PBX1: variants seen among roughly 807,000 people sequenced by gnomAD.
The protein encoded by PBX1 is PBX homeobox 1.
Under a neutral mutation model 53.4 loss-of-function variants are expected in PBX1, and 6 were observed. The ratio of observed to expected loss-of-function variants is 0.11; its 90% CI spans 0.06 to 0.22. The LOEUF is 0.22. Among genes scored for constraint, PBX1 ranks in the 10% least tolerant of loss-of-function variants. PBX1 has a pLI of 1.00. For missense variants in PBX1, 251 were observed against 551.4 expected, an observed-to-expected ratio of 0.46 and a Z score of 5.46; for synonymous variants, 204 against 212.3, an observed-to-expected ratio of 0.96 and a Z score of 0.34.
At chr1:164,622,415 T>C (rs939540181) in intron 2 of PBX1, among the ~76,000 whole-genome samples, 2 of 152,200 alleles carry the variant, frequency 1.3e-5, no homozygotes, top group Non-Finnish European at 2.9e-5. Flanking sequence ...TGGATTGATC[T>C]TTTTCTATCG....
chr1:164,785,119 G>A (rs1668111347), intron 2 of PBX1, among the ~76,000 whole-genome samples: 1 of 152,102 alleles, frequency 6.6e-6, no homozygotes, highest in Admixed American at 6.6e-5. Context: ...CAGCATCCAG[G>A]GTCTCCACTT....
chr1:164,780,101 G>A (rs979526849), intron 2 of PBX1, among the ~76,000 whole-genome samples: 6 of 152,100 alleles, frequency 3.9e-5, no homozygotes, highest in Non-Finnish European at 8.8e-5. Flanking sequence ...AGGGGTGGGC[G>A]CCTCCGATGT....
intron 7 of PBX1, 99 bp from the exon 8 acceptor site, chr1:164,821,438 T>C: frequency 1.1e-6 from 1 of 886,472 alleles, no homozygotes; most frequent in Non-Finnish European, 1.9e-6. Context: ...ATTGCATTAA[T>C]ATGGCATGCC....
intron 4 of PBX1, among the ~76,000 whole-genome samples, chr1:164,800,354 C>T (rs1219791479): frequency 4.6e-5 from 7 of 152,170 alleles, no homozygotes; most frequent in Non-Finnish European, 8.8e-5. Context: ...ATTGCTGTCT[C>T]TGGGCTAATT....
In PBX1 at chr1:164,849,259, C is replaced by T; in HGVS notation, c.*2583C>T. The stretch of plus-strand genomic sequence containing the variant: ...CTACATTTGCACAGGCAGTTTCTCT[C>T]CGGGCCGTAGTTTTCACTGATGATC... On this transcript the variant is annotated 3_prime_UTR_variant, in exon 9 of 9. Transcript: ENST00000420696. 1 of 1,525,416 alleles carries T rather than the reference C, an allele frequency of 6.6e-7. No homozygotes were observed. The highest frequency in any genetic ancestry group is 1.7e-4 in the Middle Eastern group (1 of 5,916). 94.5% of individuals were successfully genotyped at this position (1,525,416 alleles called of 1,614,324 possible). A position where few individuals can be genotyped will look rare whatever the true frequency, so the allele number is the denominator to read the frequency against.
intron 8 of PBX1, among the ~76,000 whole-genome samples, chr1:164,825,825 TA>T (rs1670431441): frequency 6.6e-6 from 1 of 152,152 alleles, no homozygotes; most frequent in Admixed American, 6.5e-5. Flanking sequence ...AATCCCTGTT[TA>T]AAAAAAGTAT....
At chr1:164,784,901 A>C (rs533375992) in intron 2 of PBX1, among the ~76,000 whole-genome samples, 1 of 152,352 alleles carries the variant, frequency 6.6e-6, no homozygotes, top group African/African-American at 2.4e-5. Flanking sequence ...CAAGAAAAAC[A>C]GTTGGAATGG....
At chr1:164,593,043 T>TA (rs1557879382) in intron 2 of PBX1, among the ~76,000 whole-genome samples, 1 of 152,028 alleles carries the variant, frequency 6.6e-6, no homozygotes, top group African/African-American at 2.4e-5. Context: ...CTGCAACCTC[T>TA]GTCTCCTGGG....
intron 2 of PBX1, among the ~76,000 whole-genome samples, chr1:164,763,408 C>T (rs889723250): frequency 3.3e-5 from 5 of 152,188 alleles, no homozygotes; most frequent in African/African-American, 1.2e-4. Context: ...AAAAGACTTT[C>T]TAGCATAATA....
At position 164,714,672 on chromosome 1, in the gene PBX1, T is replaced by C. The variant is rs559862475; in HGVS notation, c.266-77822T>C. Among the ~76,000 whole-genome samples the C allele has an allele frequency of 5.3e-5, 8 of 152,320 alleles. No individual in the cohort carries two copies. In the South Asian group the frequency reaches 1.2e-3, roughly 24 times the overall value. ...TCTCAATAACAATTCATATTAAACGTCATTCCCTTTGTCAAGAGACTGAGT... is the reference window on the plus strand; with the variant it reads ...TCTCAATAACAATTCATATTAAACGCCATTCCCTTTGTCAAGAGACTGAGT... On this transcript the variant is annotated intron_variant, in intron 2 of 8. Coordinates refer to ENST00000420696, the MANE Select transcript of PBX1 (RefSeq NM_002585.4).
At chr1:164,644,371 T>C (rs946878152) in intron 2 of PBX1, among the ~76,000 whole-genome samples, 2 of 152,198 alleles carry the variant, frequency 1.3e-5, no homozygotes, top group African/African-American at 2.4e-5. Context: ...TTTATTATTA[T>C]GTATTAAACA....
intron 2 of PBX1, among the ~76,000 whole-genome samples, chr1:164,874,116 G>T (rs1472820967): frequency 6.6e-6 from 1 of 152,170 alleles, no homozygotes; most frequent in African/African-American, 2.4e-5. Context: ...AGCTGATAAG[G>T]AGGCTGCATC....
chr1:164,649,242 G>C (rs967291306), intron 2 of PBX1, among the ~76,000 whole-genome samples: 4 of 152,044 alleles, frequency 2.6e-5, no homozygotes, highest in African/African-American at 9.7e-5. Flanking sequence ...ATATTTTCTA[G>C]CTTAAAACAA....
intron 6 of PBX1, chr1:164,819,840 G>A: frequency 2.4e-6 from 1 of 422,820 alleles, no homozygotes; most frequent in Non-Finnish European, 4.2e-6. Context: ...AGGGGAAGCA[G>A]TTCTATTGAC....
At chr1:164,655,100 G>GTTTTTTTTTTTTTTTTTTTTTTTTTTTT (rs35954587) in intron 2 of PBX1, among the ~76,000 whole-genome samples, 1 of 138,822 alleles carries the variant, frequency 7.2e-6, no homozygotes. Flanking sequence ...TCTGATGTGT[G>GTTTTTTTTTTTTTTTTTTTTTTTTTTTT]TTTTTTTTTT....
At position 164,873,974 on chromosome 1, in the gene PBX1, G is replaced by C. The variant is rs114185219; in HGVS notation, n.258-25214G>C. Among the ~76,000 whole-genome samples, 1,160 of 144,922 alleles carry C rather than the reference G, an allele frequency of 8.0e-3. 15 individuals carry two copies. The highest frequency in any genetic ancestry group is 0.028 in the African/African-American group (1,105 of 39,362). The stretch of plus-strand genomic sequence containing the variant: ...GTTTTGTAGTAGTTTATTTTGTGGA[G>C]ATACATTTGACCCAAGATTACTGAG... On this transcript the variant is annotated intron_variant and non_coding_transcript_variant, in intron 2 of 2. Transcript: ENST00000558796.
chr1:164,641,428 A>G (rs892456739), intron 2 of PBX1: 1 of 153,142 alleles, frequency 6.5e-6, no homozygotes, highest in Non-Finnish European at 1.5e-5. Flanking sequence ...TGCTTCGGAC[A>G]TGCTTTCTCA....
At chr1:164,841,068 G>A (rs534513285) in intron 8 of PBX1, among the ~76,000 whole-genome samples, 28 of 152,274 alleles carry the variant, frequency 1.8e-4, no homozygotes, top group African/African-American at 6.7e-4. Context: ...TGCTTTTATG[G>A]TCGGGTAGGT....
intron 2 of PBX1, 72 bp from the exon 3 acceptor site, chr1:164,792,422 A>G (rs1668561601): frequency 3.8e-6 from 6 of 1,573,372 alleles, no homozygotes; most frequent in Non-Finnish European, 5.2e-6. Flanking sequence ...GCCAAAGAAC[A>G]CAAATGTGTT....
Sources: gnomAD v4.1 joint callset for allele counts (sites outside exome capture counted in the v4.1 genomes callset) on GRCh38, gnomAD v4.1.1 for gene constraint, MANE v1.5 for transcripts, NCBI Gene and HGNC (gene_info 2026-07-23, HGNC 2026-07-21) for gene names.